Variants in DNAH10 observed in about 807,000 individuals in gnomAD.
The protein encoded by DNAH10 is axonemal beta dynein heavy chain 10.
DNAH10 carries 348 observed loss-of-function variants against 506.6 expected under a neutral mutation model. The observed-to-expected ratio is 0.69, with a 90% CI of 0.63 to 0.75. The LOEUF (loss-of-function observed/expected upper bound fraction) is 0.75, where lower values mean the gene tolerates loss of function less well. Among genes scored for constraint, DNAH10 ranks in the 30% least tolerant of loss-of-function variants. DNAH10 has a pLI of 0.00. For synonymous variants in DNAH10, 2,059 were observed against 2,198.6 expected, an observed-to-expected ratio of 0.94 and a Z score of 1.78; for missense variants, 5,179 against 5,787.1, an observed-to-expected ratio of 0.89 and a Z score of 3.41.
At chr12:123,836,493 A>G (rs1242736293) in intron 28 of DNAH10, among the ~76,000 whole-genome samples, 2 of 152,206 alleles carry the variant, frequency 1.3e-5, no homozygotes, top group African/African-American at 2.4e-5. Context: ...TGTATTTTAA[A>G]GTCATTTCCA....
In DNAH10 at chr12:123,864,690, A is replaced by T; in HGVS notation, c.7004A>T (p.Glu2335Val). 6.2e-7 allele frequency: 1 copy of T among 1,614,018 alleles called. No homozygotes were observed. The highest frequency in any genetic ancestry group is 2.2e-5 in the East Asian group (1 of 44,880). The change falls in exon 40 of 79, where the codon GAA becomes GTA. Residue 2335 changes from glutamate (E) to valine (V), a missense_variant. Physicochemically the swap from Glu to Val is moderately radical, Grantham distance 121 (BLOSUM62 -2). Coordinates refer to ENST00000673944, the MANE Select transcript of DNAH10 (RefSeq NM_001372106.1). Reference protein sequence around the residue: ...DNRLLTLANGERIRLQAHCAL... With the variant: ...DNRLLTLANGVRIRLQAHCAL... ...AGGTTGTTGACATTGGCCAACGGGG[A>T]ACGCATCCGGCTCCAAGCACACTGT...
At chr12:123,912,318 C>T (rs1365684333) in intron 59 of DNAH10, among the ~76,000 whole-genome samples, 1 of 23,246 alleles carries the variant, frequency 4.3e-5, no homozygotes, top group Non-Finnish European at 7.9e-5. Flanking sequence ...CCTGGGGGGT[C>T]TGTCCTGGGT....
At chr12:123,881,906 A>G (rs767061502) in intron 51 of DNAH10, 93 bp downstream of exon 51, 1 of 1,207,152 alleles carries the variant, frequency 8.3e-7, no homozygotes, top group Non-Finnish European at 1.1e-6. Flanking sequence ...ACAGCAGATC[A>G]TAGCATGATG....
chr12:123,784,158 C>T lies in DNAH10; in HGVS notation c.1211C>T (p.Thr404Ile). Residue 404 changes from threonine to isoleucine, a missense_variant, in exon 8 of 79, where the codon ACC becomes ATC. By Grantham distance (89) the Thr-to-Ile change is moderately conservative. Around this residue, in one of 3 missense-constraint regions of DNAH10, gnomAD observed 4,844 missense variants for 5,430.5 expected, o/e 0.89. Transcript: ENST00000673944. Reference sequence around the variant, plus strand: ...TCAGACAATGTGCGCTTTCTCTCCACCGTGGAGCGTTATTTCAAGGTATGC... The same window carrying T: ...TCAGACAATGTGCGCTTTCTCTCCATCGTGGAGCGTTATTTCAAGGTATGC... The part of the protein sequence containing the change: ...EASDNVRFLS[T>I]VERYFKNITH... 1 of 1,614,220 alleles carries T rather than the reference C, an allele frequency of 6.2e-7. No homozygotes were observed. The highest frequency in any genetic ancestry group is 8.5e-7 in the Non-Finnish European group (1 of 1,180,030).
At chr12:123,878,166 G>A (rs1166134851) in intron 48 of DNAH10, among the ~76,000 whole-genome samples, 1 of 152,218 alleles carries the variant, frequency 6.6e-6, no homozygotes, top group Non-Finnish European at 1.5e-5. Flanking sequence ...AGGCTGTGTT[G>A]TTGACTTCTC....
intron 34 of DNAH10, 53 bp downstream of exon 34, chr12:123,848,935 G>A (rs1160379379): frequency 1.9e-6 from 3 of 1,593,686 alleles, no homozygotes; most frequent in African/African-American, 2.7e-5. Context: ...AGTTTGCCAA[G>A]TATGGTAAGC....
At chr12:123,777,084 A>G (rs896547205) in intron 5 of DNAH10, among the ~76,000 whole-genome samples, 17 of 152,206 alleles carry the variant, frequency 1.1e-4, no homozygotes, top group African/African-American at 3.9e-4. Flanking sequence ...GTCCAAACCA[A>G]CACAATATCC....
intron 51 of DNAH10, among the ~76,000 whole-genome samples, chr12:123,886,321 G>A (rs1952723936): frequency 1.3e-5 from 2 of 152,160 alleles, no homozygotes; most frequent in African/African-American, 2.4e-5. Flanking sequence ...GGGTTGGGTA[G>A]TGGGGTCAGA....
chr12:123,863,484 C>T (rs1951685976), intron 39 of DNAH10, among the ~76,000 whole-genome samples: 1 of 152,188 alleles, frequency 6.6e-6, no homozygotes, highest in Admixed American at 6.5e-5. Context: ...GGCCAAAAGT[C>T]TAAAAAGAGG....
intron 27 of DNAH10, 140 bp downstream of exon 27, chr12:123,833,487 T>A (rs551817884): frequency 2.9e-6 from 2 of 695,700 alleles, no homozygotes; most frequent in Admixed American, 2.9e-5. Context: ...TACTTTTTTG[T>A]CTTGATTTAT....
At chr12:123,881,183 G>A (rs1316797768) in intron 50 of DNAH10, among the ~76,000 whole-genome samples, 3 of 152,156 alleles carry the variant, frequency 2.0e-5, no homozygotes, top group African/African-American at 4.8e-5. Context: ...GGATGGCTGG[G>A]TCAAACACTA....
intron 43 of DNAH10, among the ~76,000 whole-genome samples, chr12:123,869,836 C>T (rs532786620): frequency 2.6e-5 from 4 of 152,324 alleles, no homozygotes; most frequent in Non-Finnish European, 4.4e-5. Flanking sequence ...TGAGCGGAGG[C>T]GATGGTGATT....
intron 7 of DNAH10, 91 bp from the exon 8 acceptor site, chr12:123,783,856 G>A: frequency 1.7e-6 from 2 of 1,203,330 alleles, no homozygotes; most frequent in East Asian, 2.5e-5. Flanking sequence ...TGGAGCAGTT[G>A]GACAGAAAGA....
chr12:123,929,596 A>G (rs1426978883), intron 71 of DNAH10, 68 bp from the exon 72 acceptor site: 1 of 1,576,028 alleles, frequency 6.3e-7, no homozygotes, highest in East Asian at 2.3e-5. Context: ...CAGCCTTTTC[A>G]GAAAAGTATC....
chr12:123,928,332 C>T lies in DNAH10; in HGVS notation c.12106-55C>T. 2.0e-6 allele frequency: 3 copies of T among 1,536,194 alleles called. No homozygotes were observed. Among genetic ancestry groups the T allele is most frequent in the Non-Finnish European group, 1.8e-6 (2 of 1,139,690 alleles). On this transcript the variant is annotated intron_variant, in intron 69 of 78. Transcript: ENST00000673944. This position sits in a 1 kb window ranked among gnomAD's most constrained non-coding sequence, Gnocchi z 4.9. ...GGGTGTGGAGTGGGTCTCTGGAGAG[C>T]ACGGGGTTGGGTTTGGATGCCAACC...
chr12:123,795,967 G>T (rs1005360921), intron 12 of DNAH10, among the ~76,000 whole-genome samples: 3 of 152,014 alleles, frequency 2.0e-5, no homozygotes, highest in Non-Finnish European at 2.9e-5. Context: ...ATATCAAAAC[G>T]TGCCCTATAG....
At position 123,907,131 on chromosome 12, in the gene DNAH10, C is replaced by T. The variant is rs1420545012; in HGVS notation, c.9816-2130C>T. On this transcript the variant is annotated intron_variant, in intron 57 of 78. Transcript: ENST00000673944. This position sits in a 1 kb window ranked among gnomAD's most constrained non-coding sequence, Gnocchi z 4.4. ...TGTTTTCCTATAGGAATCCCATGTG[C>T]ATGGGGAAATTATGTAGGATTAGGT... Among the ~76,000 whole-genome samples, 7 of 152,228 alleles carry T rather than the reference C, an allele frequency of 4.6e-5. No individual in the cohort carries two copies. The highest frequency in any genetic ancestry group is 1.0e-4 in the Non-Finnish European group (7 of 68,048).
In DNAH10 at chr12:123,813,820, A is replaced by G. The variant is rs1254585805; in HGVS notation, c.3688A>G (p.Ile1230Val). Reference protein sequence around the residue: ...LEDLKFVLATIAEIRSKSLVM... With the variant: ...LEDLKFVLATVAEIRSKSLVM... ...AGATCTCAAGTTTGTCCTTGCAACA[A>G]TTGCAGAAATTAGAAGTAAATCTCT... is the stretch of plus-strand genomic sequence containing the variant. Residue 1230 changes from isoleucine (I) to valine (V), a missense_variant, in exon 21 of 79, where the codon ATT becomes GTT. Around this residue, in one of 3 missense-constraint regions of DNAH10, gnomAD observed 4,844 missense variants for 5,430.5 expected, o/e 0.89. Coordinates refer to ENST00000673944, the MANE Select transcript of DNAH10 (RefSeq NM_001372106.1). 11 of 1,613,434 alleles carry G rather than the reference A, an allele frequency of 6.8e-6. No individual in the cohort carries two copies. Among genetic ancestry groups the G allele is most frequent in the South Asian group, 1.1e-5 (1 of 90,840 alleles).
chr12:123,781,105 A>G lies in DNAH10; in HGVS notation c.647A>G (p.Asn216Ser), dbSNP rs763764802. Residue 216 changes from asparagine (N) to serine (S), a missense_variant, in exon 6 of 79, where the codon AAT becomes AGT. Physicochemically the swap from Asn to Ser is conservative, Grantham distance 46 (BLOSUM62 1). Transcript: ENST00000673944. ...CQVFLPALSFNQHRTSTTVGV... is the reference protein window; with the variant it reads ...CQVFLPALSFSQHRTSTTVGV... ...GTTTTTTTGCCAGCATTGTCCTTCAATCAGCACAGGACGAGTACAACCGTG... is the reference window on the plus strand; with the variant it reads ...GTTTTTTTGCCAGCATTGTCCTTCAGTCAGCACAGGACGAGTACAACCGTG... 12 of 1,608,990 alleles carry G rather than the reference A, an allele frequency of 7.5e-6. No homozygotes were observed. The highest frequency in any genetic ancestry group is 2.7e-5 in the African/African-American group (2 of 74,762).
Sources: gnomAD v4.1 joint callset for allele counts (sites outside exome capture counted in the v4.1 genomes callset) on GRCh38, gnomAD v4.1.1 for gene constraint, gnomAD v4.1.1 regional missense constraint, Gnocchi (gnomAD v3.1) non-coding constraint, MANE v1.5 for transcripts, NCBI Gene and HGNC (gene_info 2026-07-23, HGNC 2026-07-21) for gene names.